TMEM132C: variants seen among roughly 807,000 people sequenced by gnomAD.
TMEM132C encodes the protein protein phosphatase 1, regulatory subunit 152.
A neutral mutation model predicts 61.4 loss-of-function variants in TMEM132C; 29 were observed. The ratio of observed to expected loss-of-function variants is 0.47; its 90% CI spans 0.35 to 0.64. The LOEUF (loss-of-function observed/expected upper bound fraction) is 0.64. Ranked by LOEUF, TMEM132C falls within the 30% of genes least tolerant of loss-of-function variation. TMEM132C has a pLI of 0.00. For synonymous variants in TMEM132C, 656 were observed against 633.1 expected (o/e 1.04, Z -0.54); for missense variants, 1,408 against 1,476.9 (o/e 0.95, Z 0.76).
At chr12:128,306,493 C>CG (rs1399450231) in intron 1 of TMEM132C, among the ~76,000 whole-genome samples, 16 of 152,182 alleles carry the variant, frequency 1.1e-4, no homozygotes, top group Non-Finnish European at 2.2e-4. Context: ...TGAGCCACCG[C>CG]ACCTGGCCAC....
At chr12:128,306,482 G>A (rs11059640) in intron 1 of TMEM132C, among the ~76,000 whole-genome samples, 101 of 152,104 alleles carry the variant, frequency 6.6e-4, no homozygotes, top group African/African-American at 1.7e-3. Context: ...GATTACAGGC[G>A]TGAGCCACCG....
At chr12:128,635,448 G>T (rs889005811) in intron 4 of TMEM132C, among the ~76,000 whole-genome samples, 2 of 147,078 alleles carry the variant, frequency 1.4e-5, no homozygotes, top group Non-Finnish European at 3.0e-5. Flanking sequence ...ATAGCTAGAT[G>T]AAATGAGTTT....
rs182524182 is a variant in TMEM132C at position 128,329,447 on chromosome 12, G to A, written c.85+61960G>A. Among the ~76,000 whole-genome samples, 367 of 152,264 alleles carry A rather than the reference G, an allele frequency of 2.4e-3. 3 individuals carry two copies. The highest frequency in any genetic ancestry group is 0.01 in the Middle Eastern group (3 of 294). On this transcript the variant is annotated intron_variant, in intron 1 of 8. Coordinates refer to ENST00000435159, the MANE Select transcript of TMEM132C (RefSeq NM_001136103.3). ...AAGGCTGAAGGCGTGTGGTAAAGGT[G>A]GTTTGGCGGAAAGAGGATTAACTTT... is the stretch of plus-strand genomic sequence containing the variant.
In TMEM132C at chr12:128,481,960, C is replaced by A. The variant is rs559263014; in HGVS notation, c.975-61997C>A. On this transcript the variant is annotated intron_variant, in intron 2 of 8. Transcript: ENST00000435159. Reference sequence around the variant, plus strand: ...ACACATGAGGGCCATTTGTCTCATTCTTCTGCTTCTTCAGTATTGGGTTTC... The same window carrying A: ...ACACATGAGGGCCATTTGTCTCATTATTCTGCTTCTTCAGTATTGGGTTTC... Among the ~76,000 whole-genome samples the A allele has an allele frequency of 3.0e-4, 45 of 152,318 alleles. 2 individuals are homozygous for A. The South Asian group carries it at 7.7e-3, about 26-fold the overall frequency.
intron 1 of TMEM132C, among the ~76,000 whole-genome samples, chr12:128,386,973 T>TAA (rs1015641672): frequency 6.6e-6 from 1 of 151,370 alleles, no homozygotes; most frequent in African/African-American, 2.4e-5. Flanking sequence ...CTACAAAAAA[T>TAA]AAAAATACAT....
chr12:128,475,698 T>C lies in TMEM132C; in HGVS notation c.974+60078T>C, dbSNP rs150904165. ...TTGTCCTTGAATTTCTTTTCAGTTC[T>C]TTCAAATATGTATCGCAATATTTGC... On this transcript the variant is annotated intron_variant, in intron 2 of 8. Transcript: ENST00000435159. 1.5e-3 allele frequency among the ~76,000 whole-genome samples: 227 copies of C among 152,358 alleles called. 2 individuals carry two copies. Among genetic ancestry groups the C allele is most frequent in the African/African-American group, 5.0e-3 (208 of 41,576 alleles).
chr12:128,407,593 G>A (rs1283770483), intron 1 of TMEM132C, among the ~76,000 whole-genome samples: 1 of 152,100 alleles, frequency 6.6e-6, no homozygotes, highest in Non-Finnish European at 1.5e-5. Context: ...GCCTCAGCTG[G>A]GATCGCACCG....
chr12:128,705,931 C>T lies in TMEM132C; in HGVS notation c.2963C>T (p.Pro988Leu), dbSNP rs979600538. Residue 988 changes from proline (P) to leucine (L), a missense_variant, in exon 9 of 9, where the codon CCG (proline) becomes CTG (leucine). Coordinates refer to ENST00000435159, the MANE Select transcript of TMEM132C (RefSeq NM_001136103.3). ...AELLESMGDA[P>L]PPQDEHTTII... is the part of the protein sequence containing the mutation. ...CTCCTGGAGAGCATGGGGGATGCGC[C>T]GCCGCCCCAGGACGAGCACACCACC... 6.1e-5 allele frequency: 95 copies of T among 1,551,286 alleles called. No individual in the cohort carries two copies. The highest frequency in any genetic ancestry group is 7.8e-5 in the Non-Finnish European group (89 of 1,146,950).
chr12:128,535,724 C>G (rs990341569), intron 2 of TMEM132C, among the ~76,000 whole-genome samples: 3 of 152,090 alleles, frequency 2.0e-5, no homozygotes, highest in African/African-American at 7.2e-5. Context: ...AAAAATTAAT[C>G]AGGCATGGTG....
intron 1 of TMEM132C, among the ~76,000 whole-genome samples, chr12:128,293,047 C>T (rs937585927): frequency 3.3e-5 from 5 of 150,016 alleles, no homozygotes; most frequent in African/African-American, 1.3e-4. Flanking sequence ...ATTTGAAAGC[C>T]GGACAGCAAG....
chr12:128,549,882 T>C (rs1051057481), intron 3 of TMEM132C, among the ~76,000 whole-genome samples: 2 of 152,172 alleles, frequency 1.3e-5, no homozygotes, highest in Non-Finnish European at 2.9e-5. Context: ...TGATGCATTT[T>C]TCAAACCCAC....
intron 1 of TMEM132C, among the ~76,000 whole-genome samples, chr12:128,411,193 T>C (rs1225981221): frequency 6.6e-6 from 1 of 152,216 alleles, no homozygotes; most frequent in Non-Finnish European, 1.5e-5. Flanking sequence ...CACCGAAACC[T>C]ACCTGTGTGT....
chr12:128,415,573 C>A lies in TMEM132C; in HGVS notation c.927C>A (p.Ala309=), dbSNP rs766383988. Residue 309 remains alanine (A), a synonymous_variant, in exon 2 of 9, where the codon GCC becomes GCA. Coordinates refer to ENST00000435159, the MANE Select transcript of TMEM132C (RefSeq NM_001136103.3). The surrounding 1 kb of genome is among the most constrained non-coding windows in gnomAD (Gnocchi z 5.8). ...RPVKQGEVVT[A]YVTISSNSSV... ...TCAAGCAGGGAGAGGTGGTCACGGCCTATGTCACCATCTCGAGCAATTCCT... is the reference window on the plus strand; with the variant it reads ...TCAAGCAGGGAGAGGTGGTCACGGCATATGTCACCATCTCGAGCAATTCCT... The A allele has an allele frequency of 2.5e-5, 38 of 1,549,370 alleles. No individual in the cohort carries two copies. Among genetic ancestry groups the A allele is most frequent in the Non-Finnish European group, 3.2e-5 (37 of 1,146,022 alleles).
At chr12:128,290,638 TGCTGGGCTTGG>T (rs1350786305) in intron 1 of TMEM132C, among the ~76,000 whole-genome samples, 3 of 152,278 alleles carry the variant, frequency 2.0e-5, no homozygotes, top group African/African-American at 7.2e-5. Flanking sequence ...ACCAGGACAT[TGCTGGGCTTGG>T]GCCCATCAAC....
chr12:128,535,278 A>G (rs1472901719), intron 2 of TMEM132C, among the ~76,000 whole-genome samples: 1 of 152,234 alleles, frequency 6.6e-6, no homozygotes, highest in Admixed American at 6.5e-5. Flanking sequence ...CGGCAAAAGA[A>G]ACTACCATCA....
At chr12:128,281,228 A>G (rs913755748) in intron 1 of TMEM132C, among the ~76,000 whole-genome samples, 1 of 152,228 alleles carries the variant, frequency 6.6e-6, no homozygotes, top group South Asian at 2.1e-4. Context: ...GCTGCCTTCA[A>G]TATCAGAGGC....
intron 1 of TMEM132C, among the ~76,000 whole-genome samples, chr12:128,297,343 G>A (rs992774565): frequency 2.0e-5 from 3 of 152,172 alleles, no homozygotes; most frequent in East Asian, 1.9e-4. Flanking sequence ...AATATTGTAC[G>A]TTTGTAAACT....
intron 2 of TMEM132C, among the ~76,000 whole-genome samples, chr12:128,469,139 TTC>T (rs1870844314): frequency 6.6e-6 from 1 of 152,154 alleles, no homozygotes; most frequent in Non-Finnish European, 1.5e-5. Flanking sequence ...ATGGAAACAT[TTC>T]TCTCTGATTT....
chr12:128,666,079 G>GCA lies in TMEM132C; in HGVS notation c.1306-3327_1306-3326dup, dbSNP rs58554620. 4.2e-4 allele frequency among the ~76,000 whole-genome samples: 42 copies of GCA among 100,970 alleles called. 1 individual carries two copies. The South Asian group carries it at 8.7e-3, about 21-fold the overall frequency. 66.2% of individuals were successfully genotyped at this position (100,970 alleles called of 152,430 possible). On this transcript the variant is annotated intron_variant, in intron 4 of 8. Transcript: ENST00000435159. ...CAGGCACTCATACACAAACACACAG[G>GCA]CACACACACACAGGCACACATACCC...
Sources: gnomAD v4.1 joint callset for allele counts (sites outside exome capture counted in the v4.1 genomes callset) on GRCh38, gnomAD v4.1.1 for gene constraint, Gnocchi (gnomAD v3.1) non-coding constraint, MANE v1.5 for transcripts, NCBI Gene and HGNC (gene_info 2026-07-23, HGNC 2026-07-21) for gene names.